The following PRELID2 variants were observed in gnomAD, a reference collection of about 807,000 sequenced individuals.
The protein encoded by PRELID2 is PRELI domain-containing protein 2.
PRELID2 carries 25 observed loss-of-function variants against 28.4 expected under a neutral mutation model. The observed-to-expected ratio is 0.88, with a 90% CI of 0.64 to 1.23. The LOEUF (loss-of-function observed/expected upper bound fraction) is 1.23. Ranked by LOEUF, PRELID2 falls within the 50% of genes most tolerant of loss-of-function variation. The probability of loss-of-function intolerance (pLI) is 0.00; values close to 1 mark genes in which losing one functional copy is unlikely to be tolerated. For missense variants in PRELID2, 201 were observed against 214.4 expected, an observed-to-expected ratio of 0.94 and a Z score of 0.39; for synonymous variants, 76 against 71.6, an observed-to-expected ratio of 1.06 and a Z score of -0.31.
chr5:145,754,915 G>C (rs532213788), downstream of PRELID2, among the ~76,000 whole-genome samples: 2 of 152,218 alleles, frequency 1.3e-5, no homozygotes, highest in South Asian at 4.1e-4. Flanking sequence ...CATCTCAGTT[G>C]GTTCAACTTA....
chr5:145,371,308 G>C, the PRELID2 span, among the ~76,000 whole-genome samples: 1 of 152,198 alleles, frequency 6.6e-6, no homozygotes, highest in African/African-American at 2.4e-5. Flanking sequence ...AGTTTATTGA[G>C]AGTTTTTAAC....
chr5:145,230,266 A>G, the PRELID2 span, among the ~76,000 whole-genome samples: 1 of 152,144 alleles, frequency 6.6e-6, no homozygotes, highest in African/African-American at 2.4e-5. Flanking sequence ...GTGGAGAGCT[A>G]TAAAATGACA....
chr5:145,623,905 C>T (rs1485429668), intron 1 of PRELID2, among the ~76,000 whole-genome samples: 1 of 152,110 alleles, frequency 6.6e-6, no homozygotes, highest in Non-Finnish European at 1.5e-5. Context: ...AAGTTAAGGC[C>T]TCAGCCCCAC....
At chr5:145,778,890 C>A (rs1758589618) in intron 5 of PRELID2, among the ~76,000 whole-genome samples, 1 of 152,182 alleles carries the variant, frequency 6.6e-6, no homozygotes, top group Non-Finnish European at 1.5e-5. Flanking sequence ...AAATGATACC[C>A]CAAAGATCCT....
the PRELID2 span, among the ~76,000 whole-genome samples, chr5:145,324,286 G>T: frequency 6.6e-6 from 1 of 152,246 alleles, no homozygotes; most frequent in East Asian, 1.9e-4. Flanking sequence ...AGCCTAGCCT[G>T]GGACATGTCT....
intron 5 of PRELID2, among the ~76,000 whole-genome samples, chr5:145,785,179 T>C (rs1042159442): frequency 2.6e-5 from 4 of 152,188 alleles, no homozygotes; most frequent in Non-Finnish European, 4.4e-5. Context: ...TTAAAAATCC[T>C]ATAAAATGGG....
chr5:145,699,689 C>G (rs562977855), intron 1 of PRELID2, among the ~76,000 whole-genome samples: 1 of 152,184 alleles, frequency 6.6e-6, no homozygotes, highest in South Asian at 2.1e-4. Flanking sequence ...TTTCCAAATC[C>G]AAAGAGAAGA....
Position 145,528,710 on chromosome 5 carries a change from CACACACACACACACACAG to C in PRELID2, n.71-55413_71-55396del, listed in dbSNP as rs1039646078. Among the ~76,000 whole-genome samples, 12 of 128,038 alleles carry C rather than the reference CACACACACACACACACAG, an allele frequency of 9.4e-5. No homozygotes were observed. The South Asian group carries it at 1.1e-3, about 11-fold the overall frequency. 84.0% of individuals were successfully genotyped at this position (128,038 alleles called of 152,430 possible). The stretch of plus-strand genomic sequence containing the variant: ...TAAACTACACACACACACACACACA[CACACACACACACACACAG>C]AGAGAGAGAGAGAGAGAGAGAGAGT... On this transcript the variant is annotated intron_variant and non_coding_transcript_variant, in intron 1 of 2. Transcript: ENST00000510259.
At chr5:145,478,495 G>A (rs984267864) in intron 1 of PRELID2, among the ~76,000 whole-genome samples, 1 of 151,966 alleles carries the variant, frequency 6.6e-6, no homozygotes, top group East Asian at 1.9e-4. Flanking sequence ...AGGTTGCAGT[G>A]AGCCAAGATC....
intron 1 of PRELID2, among the ~76,000 whole-genome samples, chr5:145,534,857 G>A (rs1332547868): frequency 6.6e-6 from 1 of 151,908 alleles, no homozygotes; most frequent in Non-Finnish European, 1.5e-5. Context: ...TGTAACTAGA[G>A]CCAGCTCATT....
At chr5:145,702,251 G>A (rs1755426601) in intron 1 of PRELID2, among the ~76,000 whole-genome samples, 1 of 152,130 alleles carries the variant, frequency 6.6e-6, no homozygotes, top group Non-Finnish European at 1.5e-5. Flanking sequence ...TGAGTATGGT[G>A]TTCAAGCACC....
the PRELID2 span, among the ~76,000 whole-genome samples, chr5:145,412,554 C>G: frequency 6.6e-6 from 1 of 152,186 alleles, no homozygotes. Flanking sequence ...ATCTTCCTAC[C>G]TTCTAATTTC....
intron 1 of PRELID2, among the ~76,000 whole-genome samples, chr5:145,695,442 A>C (rs775597118): frequency 9.2e-5 from 14 of 152,236 alleles, no homozygotes; most frequent in Non-Finnish European, 1.9e-4. Flanking sequence ...AAGCCAGCTA[A>C]TGCACAAAAT....
chr5:145,346,100 T>C, the PRELID2 span, among the ~76,000 whole-genome samples: 1 of 152,170 alleles, frequency 6.6e-6, no homozygotes, highest in Non-Finnish European at 1.5e-5. Flanking sequence ...GTCTGTGACC[T>C]AGGGCAAATT....
chr5:145,514,807 T>G (rs1752498911), intron 1 of PRELID2, among the ~76,000 whole-genome samples: 1 of 152,022 alleles, frequency 6.6e-6, no homozygotes, highest in South Asian at 2.1e-4. Flanking sequence ...TAACAAACAG[T>G]CTTAGACCAC....
chr5:145,525,472 T>A (rs1176028570), intron 1 of PRELID2, among the ~76,000 whole-genome samples: 1 of 152,216 alleles, frequency 6.6e-6, no homozygotes, highest in Non-Finnish European at 1.5e-5. Flanking sequence ...CTTTGGTGGT[T>A]GATTCACCTC....
intron 1 of PRELID2, among the ~76,000 whole-genome samples, chr5:145,555,157 T>G (rs1245819825): frequency 6.6e-6 from 1 of 152,210 alleles, no homozygotes; most frequent in Non-Finnish European, 1.5e-5. Flanking sequence ...CTGGGCATGA[T>G]TATTGAAGCA....
Position 145,768,009 on chromosome 5 carries a change from G to A in PRELID2, c.475-3009C>T, listed in dbSNP as rs567259593. Among the ~76,000 whole-genome samples the A allele has an allele frequency of 6.9e-4, 105 of 152,064 alleles. 1 individual carries two copies. The highest frequency in any genetic ancestry group is 6.9e-3 in the Admixed American group (105 of 15,272). On this transcript the variant is annotated intron_variant, in intron 5 of 6. Transcript: ENST00000683046. ...TGGGAGGCCGAGGCAGGTGGATCAC[G>A]AGGTCAAGAGATGGAGACCATCCTG...
chr5:145,820,102 T>TTTTTTTG (rs1396323962), intron 2 of PRELID2, 84 bp from the exon 3 acceptor site: 1 of 617,454 alleles, frequency 1.6e-6, no homozygotes, highest in Admixed American at 3.1e-5. Context: ...GGGGGTGGGG[T>TTTTTTTG]TTTTTTGTTT....
Sources: gnomAD v4.1 joint callset for allele counts (sites outside exome capture counted in the v4.1 genomes callset) on GRCh38, gnomAD v4.1.1 for gene constraint, MANE v1.5 for transcripts, NCBI Gene and HGNC (gene_info 2026-07-23, HGNC 2026-07-21) for gene names.